The following IL1RAPL1 variants were observed in gnomAD, a reference collection of about 807,000 sequenced individuals.
IL1RAPL1 encodes the protein interleukin 1 receptor accessory protein like 1, also known as interleukin-1 receptor accessory protein-like 1.
In IL1RAPL1, 3 loss-of-function variants were observed where a neutral mutation model predicts 48.4. The ratio of observed to expected loss-of-function variants is 0.06; its 90% confidence interval spans 0.03 to 0.16. The LOEUF (loss-of-function observed/expected upper bound fraction) is 0.16, where lower values mean the gene tolerates loss of function less well. Among genes scored for constraint, IL1RAPL1 ranks in the 10% least tolerant of loss-of-function variants. The probability of loss-of-function intolerance (pLI) is 1.00; values close to 1 mark genes in which losing one functional copy is unlikely to be tolerated. For synonymous variants in IL1RAPL1, 185 were observed against 187.7 expected, an observed-to-expected ratio of 0.99 and a Z score of 0.12; for missense variants, 349 against 530.6, an observed-to-expected ratio of 0.66 and a Z score of 3.36.
intron 2 of IL1RAPL1, among the ~76,000 whole-genome samples, chrX:28,896,981 G>A (rs537056250): frequency 9.0e-6 from 1 of 111,104 alleles, no homozygotes; most frequent in South Asian, 3.8e-4. Context: ...TTGGGGTCAA[G>A]CGGCATTGTA....
At chrX:29,585,039 C>G (rs1019719278) in intron 5 of IL1RAPL1, among the ~76,000 whole-genome samples, 1 of 112,050 alleles carries the variant, frequency 8.9e-6, no homozygotes, top group Non-Finnish European at 1.9e-5. Flanking sequence ...CTTTTTTAAA[C>G]TGTATTTTAT....
At position 29,891,832 on chromosome X, in the gene IL1RAPL1, G is replaced by T. The variant is rs375168183; in HGVS notation, c.779-25632G>T. 6.3e-5 allele frequency among the ~76,000 whole-genome samples: 7 copies of T among 111,360 alleles called. No individual in the cohort carries two copies. In the East Asian group the frequency reaches 1.7e-3, roughly 27 times the overall value. ...ACTTTAACCTGTACTAAAGATTTGT[G>T]AAATTCTTCATTAATTATGATTGAC... On this transcript the variant is annotated intron_variant, in intron 6 of 10. Transcript: ENST00000378993.
intron 2 of IL1RAPL1, among the ~76,000 whole-genome samples, chrX:29,030,846 T>A (rs1255149799): frequency 8.9e-6 from 1 of 111,790 alleles, no homozygotes; most frequent in Non-Finnish European, 1.9e-5. Flanking sequence ...ATCAAAGTAC[T>A]AAAGAGAATG....
intron 1 of IL1RAPL1, among the ~76,000 whole-genome samples, chrX:28,761,892 G>A (rs942063558): frequency 3.9e-4 from 44 of 111,898 alleles, no homozygotes; most frequent in African/African-American, 1.4e-3. Flanking sequence ...TCATACCTGG[G>A]TTTGAATCCT....
At chrX:29,865,636 CTTT>C (rs1171882981) in intron 6 of IL1RAPL1, among the ~76,000 whole-genome samples, 12 of 76,337 alleles carry the variant, frequency 1.6e-4, no homozygotes, top group Middle Eastern at 0.013. Flanking sequence ...CTTTTCTTTT[CTTT>C]TTTTTTTTTT....
intron 2 of IL1RAPL1, among the ~76,000 whole-genome samples, chrX:29,213,686 GTTCTTTCTCCT>G (rs1930814508): frequency 8.9e-6 from 1 of 112,635 alleles, no homozygotes; most frequent in Non-Finnish European, 1.9e-5. Flanking sequence ...GACACTGCTT[GTTCTTTCTCCT>G]TTCTTCTGGA....
intron 2 of IL1RAPL1, among the ~76,000 whole-genome samples, chrX:28,937,927 A>C (rs1924060186): frequency 9.0e-6 from 1 of 111,271 alleles, no homozygotes; most frequent in East Asian, 2.8e-4. Context: ...GTTGCCACAA[A>C]AATAATGAAA....
At chrX:29,365,490 G>A (rs1341366199) in intron 3 of IL1RAPL1, among the ~76,000 whole-genome samples, 2 of 111,588 alleles carry the variant, frequency 1.8e-5, no homozygotes, top group East Asian at 2.8e-4. Context: ...GAGGCCAGGA[G>A]TTTGAGACCA....
chrX:28,803,261 C>T (rs1936694659), intron 2 of IL1RAPL1, among the ~76,000 whole-genome samples: 1 of 111,538 alleles, frequency 9.0e-6, no homozygotes, highest in Admixed American at 9.6e-5. Flanking sequence ...ATTTTAGTTG[C>T]TCACTATTAT....
At chrX:28,778,754 A>G (rs1016729090) in intron 1 of IL1RAPL1, among the ~76,000 whole-genome samples, 2 of 111,652 alleles carry the variant, frequency 1.8e-5, no homozygotes, top group African/African-American at 6.5e-5. Context: ...AAACATATCA[A>G]TTTCCCCAGT....
At chrX:28,711,806 A>G (rs1359965475) in intron 1 of IL1RAPL1, among the ~76,000 whole-genome samples, 1 of 108,681 alleles carries the variant, frequency 9.2e-6, no homozygotes, top group African/African-American at 3.3e-5. Flanking sequence ...TAATAAATGT[A>G]TAATGGTTCT....
chrX:29,874,669 G>A (rs1931866651), intron 6 of IL1RAPL1, among the ~76,000 whole-genome samples: 2 of 112,495 alleles, frequency 1.8e-5, no homozygotes, highest in Admixed American at 1.9e-4. Flanking sequence ...TACAGATTCA[G>A]ATCAAAAACC....
chrX:28,792,816 A>AAAAATAT (rs1936562170), intron 2 of IL1RAPL1, among the ~76,000 whole-genome samples: 5 of 10,105 alleles, frequency 4.9e-4, no homozygotes, highest in African/African-American at 6.8e-4. Flanking sequence ...AAAAAAAAAA[A>AAAAATAT]ATATATATAT....
intron 1 of IL1RAPL1, among the ~76,000 whole-genome samples, chrX:28,629,885 G>T (rs1212712102): frequency 8.9e-6 from 1 of 111,911 alleles, no homozygotes; most frequent in Non-Finnish European, 1.9e-5. Context: ...TTCCTTTGCA[G>T]TCATCCTATT....
At chrX:29,604,692 AC>A (rs1217943545) in intron 5 of IL1RAPL1, among the ~76,000 whole-genome samples, 1 of 111,862 alleles carries the variant, frequency 8.9e-6, no homozygotes, top group East Asian at 2.8e-4. Context: ...TGTACAACAT[AC>A]AAGTCATTTT....
chrX:29,684,473 G>A (rs1191785149), intron 6 of IL1RAPL1, among the ~76,000 whole-genome samples: 1 of 111,080 alleles, frequency 9.0e-6, no homozygotes, highest in Non-Finnish European at 1.9e-5. Flanking sequence ...TGAATTGGGT[G>A]GGGGGATGAA....
At chrX:28,912,584 G>A (rs1239788573) in intron 2 of IL1RAPL1, among the ~76,000 whole-genome samples, 1 of 110,892 alleles carries the variant, frequency 9.0e-6, no homozygotes, top group Non-Finnish European at 1.9e-5. Flanking sequence ...GTGTGTCTCC[G>A]TGTGTATATT....
chrX:29,631,469 C>G (rs1017550731), intron 5 of IL1RAPL1, among the ~76,000 whole-genome samples: 1 of 111,575 alleles, frequency 9.0e-6, no homozygotes, highest in African/African-American at 3.3e-5. Flanking sequence ...TTTGTAGACA[C>G]AGGGTTTTGC....
chrX:29,728,242 A>C (rs1239258123), intron 6 of IL1RAPL1, among the ~76,000 whole-genome samples: 1 of 111,753 alleles, frequency 8.9e-6, no homozygotes. Flanking sequence ...AGCCGAGTCC[A>C]CTATTCTTTC....
Sources: gnomAD v4.1 joint callset for allele counts (sites outside exome capture counted in the v4.1 genomes callset) on GRCh38, gnomAD v4.1.1 for gene constraint, MANE v1.5 for transcripts, NCBI Gene and HGNC (gene_info 2026-07-23, HGNC 2026-07-21) for gene names.